The following DST variants were observed in gnomAD, a reference collection of about 807,000 sequenced individuals.
The protein encoded by DST is bullous pemphigoid antigen.
DST carries 253 observed loss-of-function variants against 875.2 expected under a neutral mutation model. The observed-to-expected ratio is 0.29, with a 90% CI of 0.26 to 0.32. The LOEUF (loss-of-function observed/expected upper bound fraction) is 0.32, where lower values mean the gene tolerates loss of function less well. Ranked by LOEUF, DST falls within the 10% of genes least tolerant of loss-of-function variation. DST has a pLI of 1.00. For missense variants in DST, 8,287 were observed against 9,111.6 expected (o/e 0.91, Z 3.68); for synonymous variants, 3,124 against 3,197.1 (o/e 0.98, Z 0.77).
chr6:56,823,241 A>G (rs1334563554), intron 4 of DST, among the ~76,000 whole-genome samples: 1 of 152,144 alleles, frequency 6.6e-6, no homozygotes, highest in Non-Finnish European at 1.5e-5. Context: ...GCACACTCCT[A>G]TTCTGAGCCT....
At chr6:56,871,841 A>T in intron 3 of DST, 2 of 281,830 alleles carry the variant, frequency 7.1e-6, no homozygotes, top group Non-Finnish European at 1.3e-5. Flanking sequence ...GGGTAAAGCA[A>T]ATCAAGCCCA....
At chr6:56,664,931 T>C (rs1254805949) in intron 10 of DST, among the ~76,000 whole-genome samples, 1 of 152,140 alleles carries the variant, frequency 6.6e-6, no homozygotes, top group Non-Finnish European at 1.5e-5. Context: ...CTAATACAGA[T>C]TTAACAGAAA....
At chr6:56,952,807 C>T (rs1402169295) in intron 2 of DST, among the ~76,000 whole-genome samples, 1 of 152,162 alleles carries the variant, frequency 6.6e-6, no homozygotes, top group Non-Finnish European at 1.5e-5. Context: ...GATTACCTCA[C>T]TTATCCTCTC....
intron 3 of DST, among the ~76,000 whole-genome samples, chr6:56,888,940 C>A (rs1428275249): frequency 6.6e-6 from 1 of 152,148 alleles, no homozygotes; most frequent in Non-Finnish European, 1.5e-5. Context: ...GACTTCATTT[C>A]CTGCTATTTT....
intron 4 of DST, among the ~76,000 whole-genome samples, chr6:56,807,298 T>C (rs1314267333): frequency 6.6e-6 from 1 of 152,208 alleles, no homozygotes; most frequent in African/African-American, 2.4e-5. Flanking sequence ...AGTGTTGTGA[T>C]TACAGGTGTG....
rs1176148923 is a variant in DST at position 56,497,878 on chromosome 6, T to C, written c.20072A>G (p.Gln6691Arg). The C allele has an allele frequency of 2.5e-6, 4 of 1,611,676 alleles. No individual in the cohort carries two copies. Among genetic ancestry groups the C allele is most frequent in the Non-Finnish European group, 3.4e-6 (4 of 1,178,680 alleles). The change falls in exon 81 of 104, where the codon CAG becomes CGG. Residue 6691 changes from glutamine to arginine, a missense_variant. Around this residue, in one of 10 missense-constraint regions of DST, gnomAD observed 1,292 missense variants for 1,552.7 expected, o/e 0.83. Transcript: ENST00000680361. ...VLEKTEQRKQ[Q>R]LDGALRQAKG... ...CACCTGGCGCAAGGCACCATCCAGC[T>C]GCTGCTTCCTTTGTTCTGTTTTTTC...
At position 56,553,187 on chromosome 6, in the gene DST, T is replaced by C. The variant is rs549403652; in HGVS notation, c.15605A>G (p.Glu5202Gly). The C allele has an allele frequency of 6.8e-6, 11 of 1,613,990 alleles. No individual in the cohort carries two copies. In the African/African-American group the frequency reaches 9.3e-5, roughly 14 times the overall value. The change falls in exon 61 of 104, where the codon GAG becomes GGG. Residue 5202 changes from glutamate to glycine, a missense_variant. Glu to Gly is a moderately conservative substitution (Grantham distance 98). Coordinates refer to ENST00000680361, the MANE Select transcript of DST (RefSeq NM_001374736.1). ...AGACTTTAACTTGGCAATAGAATTC[T>C]CTCCTTCAGCAGGATCCAAGCAAAA... ...IKFCLDPAEG[E>G]NSIAKLKSLQ...
chr6:56,529,864 T>A (rs1303396905), intron 65 of DST, 90 bp from the exon 66 acceptor site: 1 of 1,465,032 alleles, frequency 6.8e-7, no homozygotes, highest in African/African-American at 1.4e-5. Context: ...CATGACATGT[T>A]AAATGGATTT....
intron 63 of DST, among the ~76,000 whole-genome samples, chr6:56,534,177 T>C (rs1314816907): frequency 1.3e-5 from 2 of 152,194 alleles, no homozygotes; most frequent in Non-Finnish European, 2.9e-5. Flanking sequence ...AAATTTAAAA[T>C]GTTGTCTTTT....
intron 4 of DST, among the ~76,000 whole-genome samples, chr6:56,815,891 A>G (rs1316489886): frequency 6.6e-6 from 1 of 152,216 alleles, no homozygotes; most frequent in Non-Finnish European, 1.5e-5. Flanking sequence ...TAGCATCTAA[A>G]TAGACATAAG....
intron 47 of DST, among the ~76,000 whole-genome samples, chr6:56,596,788 C>T (rs2152694276): frequency 6.6e-6 from 1 of 152,304 alleles, no homozygotes; most frequent in South Asian, 2.1e-4. Context: ...AAATGAGTGA[C>T]ACTTTAAAAG....
chr6:56,577,702 A>G (rs955710272), intron 50 of DST, among the ~76,000 whole-genome samples: 1 of 152,184 alleles, frequency 6.6e-6, no homozygotes, highest in Admixed American at 6.5e-5. Flanking sequence ...ATGTCTAATC[A>G]TCTGTTGTGG....
rs905153139 is a variant in DST, at chr6:56,628,034, T to C, written c.4603A>G (p.Ser1535Gly). Residue 1535 changes from serine (S) to glycine (G), a missense_variant, in exon 33 of 104, where the codon AGT becomes GGT. Ser to Gly is a moderately conservative substitution (Grantham distance 56, BLOSUM62 0). This residue lies in a region of DST where 3,138 missense variants were observed against 3,116.6 expected (regional missense o/e 1.01). Coordinates refer to ENST00000680361, the MANE Select transcript of DST (RefSeq NM_001374736.1). ...TTCAACTGTGTGGCTAGGGTTTTAC[T>C]ATTTTCAGGCTGATTTTCCTGAATC... The part of the protein sequence containing the change: ...RKIQENQPEN[S>G]KTLATQLNQQ... 2 of 1,613,848 alleles carry C rather than the reference T, an allele frequency of 1.2e-6. No individual in the cohort carries two copies. Among genetic ancestry groups the C allele is most frequent in the African/African-American group, 1.3e-5 (1 of 74,934 alleles).
chr6:56,674,498 T>C (rs2099118404), intron 9 of DST, among the ~76,000 whole-genome samples: 1 of 152,158 alleles, frequency 6.6e-6, no homozygotes. Flanking sequence ...GGTTTCACCA[T>C]GTTGGCCAGG....
At chr6:56,554,190 T>C (rs971507549) in intron 60 of DST, among the ~76,000 whole-genome samples, 1 of 145,364 alleles carries the variant, frequency 6.9e-6, no homozygotes, top group Non-Finnish European at 1.5e-5. Flanking sequence ...GTTCACACCA[T>C]TCTCCTGCCT....
chr6:56,945,878 T>C (rs1215525872), intron 2 of DST: 1 of 151,512 alleles, frequency 6.6e-6, no homozygotes, highest in African/African-American at 2.4e-5. Context: ...TGGCTGCCTA[T>C]AGGTAAAGGA....
In DST at chr6:56,490,396, C is replaced by T. The variant is rs2095696808; in HGVS notation, c.20758-787G>A. On this transcript the variant is annotated intron_variant, in intron 85 of 103. Coordinates refer to ENST00000680361, the MANE Select transcript of DST (RefSeq NM_001374736.1). ...GAAATTGGTTATAAATTATTTGTCACAATAAGCTTAAGTGAACAGATACCT... is the reference window on the plus strand; with the variant it reads ...GAAATTGGTTATAAATTATTTGTCATAATAAGCTTAAGTGAACAGATACCT... Among the ~76,000 whole-genome samples, 3 of 152,078 alleles carry T rather than the reference C, an allele frequency of 2.0e-5. No individual in the cohort carries two copies. In the South Asian group the frequency reaches 6.2e-4, roughly 31 times the overall value.
chr6:56,934,340 C>T (rs1811737249), intron 2 of DST, among the ~76,000 whole-genome samples: 1 of 151,576 alleles, frequency 6.6e-6, no homozygotes, highest in Non-Finnish European at 1.5e-5. Context: ...ATACTTGACC[C>T]TCAAAAAATG....
chr6:56,770,066 T>C (rs1200258734), intron 4 of DST, among the ~76,000 whole-genome samples: 7 of 152,248 alleles, frequency 4.6e-5, no homozygotes, highest in Non-Finnish European at 8.8e-5. Flanking sequence ...CCTCACTATA[T>C]GTTCTCATTG....
Sources: allele counts gnomAD v4.1 joint callset (sites outside exome capture counted in the v4.1 genomes callset), GRCh38; gene constraint gnomAD v4.1.1; regional missense constraint gnomAD v4.1.1; transcripts MANE v1.5; gene names NCBI Gene and HGNC (gene_info 2026-07-23, HGNC 2026-07-21).